Variants in EFCAB5 observed in about 807,000 individuals in gnomAD.
EFCAB5 encodes the protein EF-hand calcium-binding domain-containing protein 5.
In EFCAB5, 131 loss-of-function variants were observed where a neutral mutation model predicts 167.9. The ratio of observed to expected loss-of-function variants is 0.78; its 90% CI spans 0.68 to 0.90. The LOEUF (loss-of-function observed/expected upper bound fraction) is 0.90, where lower values mean the gene tolerates loss of function less well. EFCAB5 is among the 40% of genes least tolerant of loss of function. EFCAB5 has a pLI of 0.00. For missense variants in EFCAB5, 1,663 were observed against 1,745.2 expected (o/e 0.95, Z 0.84); for synonymous variants, 574 against 602.8 (o/e 0.95, Z 0.70).
intron 14 of EFCAB5, among the ~76,000 whole-genome samples, chr17:30,075,143 T>G (rs192088359): frequency 2.6e-5 from 4 of 152,272 alleles, no homozygotes; most frequent in Non-Finnish European, 4.4e-5. Context: ...CTAAATATAT[T>G]TATTTATTTG....
At chr17:29,947,730 TTCC>T (rs568658318) in intron 3 of EFCAB5, among the ~76,000 whole-genome samples, 25 of 152,340 alleles carry the variant, frequency 1.6e-4, no homozygotes, top group African/African-American at 5.0e-4. Context: ...CTGATTTTAC[TTCC>T]TTATGCCAAA....
At chr17:30,090,307 G>A (rs1440756869) in intron 19 of EFCAB5, 114 bp from the exon 20 acceptor site, 1 of 1,347,834 alleles carries the variant, frequency 7.4e-7, no homozygotes, top group African/African-American at 1.5e-5. Context: ...CAGCAAGAAG[G>A]GCTGGCATGG....
At chr17:30,027,391 C>G (rs2069359175) in intron 7 of EFCAB5, among the ~76,000 whole-genome samples, 1 of 145,244 alleles carries the variant, frequency 6.9e-6, no homozygotes, top group African/African-American at 2.6e-5. Context: ...TGAACTTCTT[C>G]ACATGTATAC....
chr17:29,991,902 A>C (rs1004095439), intron 4 of EFCAB5, among the ~76,000 whole-genome samples: 2 of 152,206 alleles, frequency 1.3e-5, no homozygotes, highest in Non-Finnish European at 2.9e-5. Context: ...TTAAGTTGTA[A>C]ATCAATATCT....
intron 2 of EFCAB5, among the ~76,000 whole-genome samples, chr17:29,942,595 T>C (rs1255923012): frequency 6.6e-6 from 1 of 152,156 alleles, no homozygotes; most frequent in African/African-American, 2.4e-5. Flanking sequence ...CACTTTACTA[T>C]CATGCTGAAA....
At chr17:30,099,517 A>T (rs1437896743) in intron 22 of EFCAB5, among the ~76,000 whole-genome samples, 1 of 152,234 alleles carries the variant, frequency 6.6e-6, no homozygotes, top group East Asian at 1.9e-4. Context: ...TCTCTCCAGA[A>T]GCTGTAGAAT....
intron 3 of EFCAB5, among the ~76,000 whole-genome samples, chr17:29,945,407 A>G (rs577582135): frequency 4.5e-4 from 68 of 151,992 alleles, no homozygotes; most frequent in Non-Finnish European, 7.1e-4. Flanking sequence ...ATTACAATAC[A>G]TATTCATTAA....
At chr17:30,014,640 T>G (rs1341537503) in intron 7 of EFCAB5, among the ~76,000 whole-genome samples, 1 of 152,192 alleles carries the variant, frequency 6.6e-6, no homozygotes, top group Non-Finnish European at 1.5e-5. Context: ...TTTTTTTGCT[T>G]TCCATTTGCT....
At chr17:29,954,766 T>A (rs1056696922) in intron 3 of EFCAB5, among the ~76,000 whole-genome samples, 1 of 152,146 alleles carries the variant, frequency 6.6e-6, no homozygotes, top group Non-Finnish European at 1.5e-5. Flanking sequence ...ATCGTGCACC[T>A]GGAAAAGCCA....
chr17:29,996,680 C>T (rs139769457), intron 6 of EFCAB5, among the ~76,000 whole-genome samples: 37 of 152,180 alleles, frequency 2.4e-4, no homozygotes, highest in Admixed American at 4.6e-4. Flanking sequence ...GTGATGTAAA[C>T]GAGAAATAAA....
intron 7 of EFCAB5, among the ~76,000 whole-genome samples, chr17:30,025,159 T>C (rs1206882397): frequency 3.3e-5 from 5 of 151,924 alleles, no homozygotes; most frequent in South Asian, 2.1e-4. Context: ...AAAGCCAAAA[T>C]TGACAAATGG....
chr17:30,015,759 CTTTTTT>C (rs71138866), intron 7 of EFCAB5, among the ~76,000 whole-genome samples: 4 of 130,566 alleles, frequency 3.1e-5, no homozygotes, highest in Non-Finnish European at 4.9e-5. Context: ...TTGGTTATTT[CTTTTTT>C]TTTTTTTTTT....
intron 7 of EFCAB5, among the ~76,000 whole-genome samples, chr17:30,012,295 C>A (rs1002092239): frequency 3.3e-5 from 5 of 152,190 alleles, no homozygotes; most frequent in African/African-American, 1.2e-4. Flanking sequence ...GTCAGGCTCG[C>A]CCGCAGTTGT....
At chr17:30,100,121 C>T (rs751319049) in intron 22 of EFCAB5, among the ~76,000 whole-genome samples, 4 of 152,074 alleles carry the variant, frequency 2.6e-5, no homozygotes, top group Non-Finnish European at 4.4e-5. Flanking sequence ...TTTAGGATTC[C>T]ACTTTTCTCC....
intron 3 of EFCAB5, among the ~76,000 whole-genome samples, chr17:29,961,236 C>G (rs1567679521): frequency 6.6e-6 from 1 of 152,122 alleles, no homozygotes; most frequent in Non-Finnish European, 1.5e-5. Flanking sequence ...TTTTCATGTA[C>G]TTATTGACCA....
chr17:29,940,395 A>G (rs2067282606), upstream of EFCAB5, among the ~76,000 whole-genome samples: 1 of 152,162 alleles, frequency 6.6e-6, no homozygotes, highest in Admixed American at 6.5e-5. Flanking sequence ...GAACTCTTTA[A>G]GGCAGGTCTT....
At chr17:29,981,372 CAT>C (rs543720746) in intron 4 of EFCAB5, among the ~76,000 whole-genome samples, 22 of 152,298 alleles carry the variant, frequency 1.4e-4, no homozygotes, top group African/African-American at 5.3e-4. Context: ...AGGGTCTTCA[CAT>C]ATGCCATTCC....
chr17:30,029,499 G>A (rs995098108), intron 7 of EFCAB5, among the ~76,000 whole-genome samples: 1 of 151,684 alleles, frequency 6.6e-6, no homozygotes, highest in African/African-American at 2.4e-5. Flanking sequence ...ATCATAAAGT[G>A]GAAAAATTGT....
At chr17:30,036,319 C>G (rs2069623761) in intron 8 of EFCAB5, among the ~76,000 whole-genome samples, 1 of 127,236 alleles carries the variant, frequency 7.9e-6, no homozygotes, top group Non-Finnish European at 1.6e-5. Flanking sequence ...ATATAATACA[C>G]ATATATAATA....
Sources: allele counts gnomAD v4.1 joint callset (sites outside exome capture counted in the v4.1 genomes callset), GRCh38; gene constraint gnomAD v4.1.1; transcripts MANE v1.5; gene names NCBI Gene and HGNC (gene_info 2026-07-23, HGNC 2026-07-21).